ATP2A2: variants seen among roughly 807,000 people sequenced by gnomAD.
ATP2A2 encodes sarcoplasmic/endoplasmic reticulum calcium ATPase 2.
ATP2A2 carries 14 observed loss-of-function variants against 109.3 expected under a neutral mutation model. That is an observed-to-expected ratio of 0.13 (90% CI 0.08 to 0.20). The LOEUF is 0.20. Ranked by LOEUF, ATP2A2 falls within the 10% of genes least tolerant of loss-of-function variation. The pLI, the probability that ATP2A2 is intolerant of heterozygous loss-of-function variation, is 1.00. For synonymous variants in ATP2A2, 506 were observed against 490.9 expected (o/e 1.03, Z -0.41); for missense variants, 657 against 1,321.6 (o/e 0.50, Z 7.80).
Position 110,327,481 on chromosome 12 carries a change from C to A in ATP2A2, c.631-72C>A. ...GTGTAGAGAATCTGGGTGCCCTAGT[C>A]AAAAACCAGCGTCGGTATTTAAGTT... is the stretch of plus-strand genomic sequence containing the variant. On this transcript the variant is annotated intron_variant, in intron 7 of 19. Transcript: ENST00000539276. This position sits in a 1 kb window ranked among gnomAD's most constrained non-coding sequence, Gnocchi z 4.4. The A allele has an allele frequency of 6.8e-7, 1 of 1,460,772 alleles. No individual in the cohort carries two copies. The highest frequency in any genetic ancestry group is 9.6e-7 in the Non-Finnish European group (1 of 1,040,940). 90.5% of individuals were successfully genotyped at this position (1,460,772 alleles called of 1,614,324 possible).
intron 5 of ATP2A2, among the ~76,000 whole-genome samples, chr12:110,319,223 GAAAAAAAAAAAAA>G (rs59623372): frequency 4.7e-5 from 3 of 63,452 alleles, no homozygotes; most frequent in African/African-American, 1.8e-4. Flanking sequence ...AATAAAAAAT[GAAAAAAAAAAAAA>G]AAAAAAAAAA....
At chr12:110,282,503 T>C (rs1189098926) in intron 1 of ATP2A2, 101 bp from the exon 2 acceptor site, 2 of 1,437,238 alleles carry the variant, frequency 1.4e-6, no homozygotes, top group African/African-American at 2.8e-5. Context: ...CTTAGAATTG[T>C]AGCAGTTCTT....
At position 110,346,597 on chromosome 12, in the gene ATP2A2, A is replaced by G; in HGVS notation, c.*127A>G. 6.6e-7 allele frequency: 1 copy of G among 1,516,314 alleles called. No homozygotes were observed. Among genetic ancestry groups the G allele is most frequent in the South Asian group, 1.3e-5 (1 of 78,742 alleles). The allele number at this position is 1,516,314 out of a possible 1,614,324, so 93.9% of individuals were successfully genotyped here. The stretch of plus-strand genomic sequence containing the variant: ...GCTGGTGATGGAGGTTTCATACTCT[A>G]GATTTTGTTTTGCTTTTTCTGACTC... On this transcript the variant is annotated 3_prime_UTR_variant, in exon 20 of 20. Coordinates refer to ENST00000539276, the MANE Select transcript of ATP2A2 (RefSeq NM_170665.4).
chr12:110,332,749 C>T, intron 9 of ATP2A2, 64 bp downstream of exon 9: 4 of 1,354,770 alleles, frequency 3.0e-6, no homozygotes, highest in Non-Finnish European at 3.2e-6. Context: ...TATTGATTTG[C>T]AGCATGTCTA....
At chr12:110,345,881 C>A in intron 18 of ATP2A2, 120 bp from the exon 19 acceptor site, 1 of 965,584 alleles carries the variant, frequency 1.0e-6, no homozygotes, top group South Asian at 1.3e-5. Context: ...GGAGGTAGGT[C>A]AGCGGATGGT....
intron 5 of ATP2A2, 91 bp downstream of exon 5, chr12:110,296,828 T>G: frequency 7.2e-7 from 1 of 1,387,238 alleles, no homozygotes. Flanking sequence ...TTAAAATAAT[T>G]GTTTTCATGT....
chr12:110,345,935 C>G, intron 18 of ATP2A2, 66 bp from the exon 19 acceptor site: 1 of 1,494,028 alleles, frequency 6.7e-7, no homozygotes, highest in East Asian at 2.3e-5. Context: ...CCAACAGGGT[C>G]TTACTGCCAC....
At chr12:110,325,146 T>C (rs993725604) in intron 6 of ATP2A2, among the ~76,000 whole-genome samples, 1 of 152,058 alleles carries the variant, frequency 6.6e-6, no homozygotes, top group African/African-American at 2.4e-5. Context: ...TAAAAAAAAA[T>C]TTAAACTTCA....
At chr12:110,345,932 G>C in intron 18 of ATP2A2, 69 bp from the exon 19 acceptor site, 1 of 1,446,940 alleles carries the variant, frequency 6.9e-7, no homozygotes, top group South Asian at 1.1e-5. Context: ...AGTCCAACAG[G>C]GTCTTACTGC....
In ATP2A2 at chr12:110,285,345, C is replaced by A. The variant is rs114577358; in HGVS notation, c.219+2550C>A. Among the ~76,000 whole-genome samples the A allele has an allele frequency of 4.7e-3, 719 of 152,196 alleles. 4 individuals are homozygous for A. The highest frequency in any genetic ancestry group is 0.017 in the African/African-American group (698 of 41,526). On this transcript the variant is annotated intron_variant, in intron 3 of 19. Transcript: ENST00000539276. The stretch of plus-strand genomic sequence containing the variant: ...ATTGCTTAATTTGACACTGAAGACC[C>A]CCCCTCTATCATTCACTTTATCTTT...
chr12:110,291,402 C>T (rs954576097), intron 3 of ATP2A2, among the ~76,000 whole-genome samples: 2 of 151,682 alleles, frequency 1.3e-5, no homozygotes, highest in Non-Finnish European at 2.9e-5. Context: ...GACGGGGTTT[C>T]GCCATGTCGG....
chr12:110,281,825 G>T lies in ATP2A2; in HGVS notation c.36G>T (p.Val12=). 1 of 1,558,768 alleles carries T rather than the reference G, an allele frequency of 6.4e-7. No individual in the cohort carries two copies. The highest frequency in any genetic ancestry group is 1.9e-5 in the Admixed American group (1 of 51,554). ...CGCACACCAAGACGGTGGAGGAGGT[G>T]CTGGGCCACTTCGGCGTCAACGAGA... is the stretch of plus-strand genomic sequence containing the variant. ...ENAHTKTVEE[V]LGHFGVNEST... The change falls in exon 1 of 20, where the codon GTG becomes GTT. Residue 12 remains valine (V), a synonymous_variant. Coordinates refer to ENST00000539276, the MANE Select transcript of ATP2A2 (RefSeq NM_170665.4).
intron 2 of ATP2A2, 27 bp from the exon 3 acceptor site, chr12:110,282,686 T>A: frequency 6.2e-7 from 1 of 1,613,762 alleles, no homozygotes; most frequent in Non-Finnish European, 8.5e-7. Context: ...AGATGACAGT[T>A]AAAACACATG....
At chr12:110,291,243 G>A (rs868347144) in intron 3 of ATP2A2, among the ~76,000 whole-genome samples, 70 of 150,908 alleles carry the variant, frequency 4.6e-4, no homozygotes, top group African/African-American at 1.6e-3. Flanking sequence ...TTGCTCTGTT[G>A]CCCAGGCTGG....
rs138237416 is a variant in ATP2A2, at chr12:110,286,246, A to G, written c.219+3451A>G. Among the ~76,000 whole-genome samples the G allele has an allele frequency of 6.9e-3, 1,045 of 152,312 alleles. 1 individual carries two copies. The highest frequency in any genetic ancestry group is 9.5e-3 in the Non-Finnish European group (644 of 68,022). On this transcript the variant is annotated intron_variant, in intron 3 of 19. Coordinates refer to ENST00000539276, the MANE Select transcript of ATP2A2 (RefSeq NM_170665.4). ...CCTAAGTTAGTGCTTTTGATGTCAC[A>G]AAAACTTGGGTGAGTTTGTTTCAGT...
At chr12:110,297,054 A>G (rs187352388) in intron 5 of ATP2A2, among the ~76,000 whole-genome samples, 9 of 152,320 alleles carry the variant, frequency 5.9e-5, no homozygotes, top group Admixed American at 1.3e-4. Context: ...ATAGTGAACA[A>G]TTTGTTAGAA....
chr12:110,290,972 G>A lies in ATP2A2; in HGVS notation c.220-1048G>A, dbSNP rs539528763. ...TGCCCAGGCTGGAGTGCAATGGTGC[G>A]ATCTTGGCTCACCGCAACCTCTGCC... On this transcript the variant is annotated intron_variant, in intron 3 of 19. Transcript: ENST00000539276. Among the ~76,000 whole-genome samples the A allele has an allele frequency of 2.2e-4, 34 of 151,614 alleles. 1 individual carries two copies. The East Asian group carries it at 6.4e-3, about 29-fold the overall frequency.
chr12:110,332,626 T>A lies in ATP2A2; in HGVS notation c.1125T>A (p.Asp375Glu), dbSNP rs1307967855. 6.2e-7 allele frequency: 1 copy of A among 1,613,656 alleles called. No homozygotes were observed. Among genetic ancestry groups the A allele is most frequent in the East Asian group, 2.2e-5 (1 of 44,890 alleles). Reference sequence around the variant, plus strand: ...TCATTCTGGACAGAGTGGAAGGTGATACTTGTTCCCTTAATGAGTTTACCA... The same window carrying A: ...TCATTCTGGACAGAGTGGAAGGTGAAACTTGTTCCCTTAATGAGTTTACCA... ...RMFILDRVEG[D>E]TCSLNEFTIT... is the part of the protein sequence containing the mutation. Residue 375 changes from aspartate (D) to glutamate (E), a missense_variant, in exon 9 of 20, where the codon GAT (aspartate) becomes GAA (glutamate). This residue lies in a region of ATP2A2 where 46 missense variants were observed against 62.0 expected (regional missense o/e 0.74). Transcript: ENST00000539276.
chr12:110,292,676 A>C (rs1407499118), intron 4 of ATP2A2, among the ~76,000 whole-genome samples: 3 of 152,082 alleles, frequency 2.0e-5, no homozygotes, highest in Non-Finnish European at 4.4e-5. Flanking sequence ...AGTCTCAGCT[A>C]CTCAGGAGGC....
Sources: allele counts gnomAD v4.1 joint callset (sites outside exome capture counted in the v4.1 genomes callset), GRCh38; gene constraint gnomAD v4.1.1; regional missense constraint gnomAD v4.1.1; non-coding constraint Gnocchi (gnomAD v3.1); transcripts MANE v1.5; gene names NCBI Gene and HGNC (gene_info 2026-07-23, HGNC 2026-07-21).